Variants in DLG5 observed in about 807,000 individuals in gnomAD.
DLG5 encodes the protein discs large MAGUK scaffold protein 5.
In DLG5, 48 loss-of-function variants were observed where a neutral mutation model predicts 189.8. That is an observed-to-expected ratio of 0.25 (90% CI 0.20 to 0.32). DLG5 has a LOEUF of 0.32. Ranked by LOEUF, DLG5 falls within the 10% of genes least tolerant of loss-of-function variation. DLG5 has a pLI of 1.00. For missense variants in DLG5, 2,160 were observed against 2,544.7 expected (o/e 0.85, Z 3.25); for synonymous variants, 1,016 against 1,054.1 (o/e 0.96, Z 0.70).
At chr10:77,810,380 C>T (rs181504014) in intron 23 of DLG5, among the ~76,000 whole-genome samples, 1 of 152,346 alleles carries the variant, frequency 6.6e-6, no homozygotes, top group African/African-American at 2.4e-5. Context: ...GAGCTGGCCT[C>T]ATTCTGTGAG....
rs1305814061 is a variant in DLG5, at chr10:77,869,263, T to A, written c.305-66A>T. 7 of 1,472,258 alleles carry A rather than the reference T, an allele frequency of 4.8e-6. No individual in the cohort carries two copies. The East Asian group carries it at 1.1e-4, about 24-fold the overall frequency. The allele number at this position is 1,472,258 out of a possible 1,614,324, so 91.2% of individuals were successfully genotyped here. ...TCACTCGTCTTCACCCCAAGCCAGC[T>A]GATCATCAGTCAATGCCAGGCCATG... On this transcript the variant is annotated intron_variant, in intron 1 of 31. Coordinates refer to ENST00000372391, the MANE Select transcript of DLG5 (RefSeq NM_004747.4).
chr10:77,900,313 C>T (rs1845885743), intron 1 of DLG5, among the ~76,000 whole-genome samples: 2 of 152,152 alleles, frequency 1.3e-5, no homozygotes, highest in South Asian at 2.1e-4. Flanking sequence ...CCAGTCACCA[C>T]GGTGCCCATG....
intron 2 of DLG5, chr10:77,867,131 G>C (rs1488155179): frequency 2.2e-6 from 1 of 454,724 alleles, no homozygotes; most frequent in South Asian, 1.6e-5. Context: ...CCAACTGGTG[G>C]GTCACGGCCA....
chr10:77,795,960 G>T (rs1840897033), intron 29 of DLG5, 101 bp downstream of exon 29: 2 of 1,548,722 alleles, frequency 1.3e-6, no homozygotes, highest in Admixed American at 1.7e-5. Flanking sequence ...CTCACTGAAG[G>T]TCTGAGCCGC....
chr10:77,818,177 CAG>C (rs925027617), intron 17 of DLG5, among the ~76,000 whole-genome samples: 1 of 152,120 alleles, frequency 6.6e-6, no homozygotes, highest in Non-Finnish European at 1.5e-5. Context: ...TGATAAAAAA[CAG>C]AGGTTTTGCA....
rs547796581 is a variant in DLG5 at position 77,885,166 on chromosome 10, T to C, written c.305-15969A>G. On this transcript the variant is annotated intron_variant, in intron 1 of 31. Transcript: ENST00000372391. ...TTCATCATGACCCATTCCACACCTG[T>C]CATCTCAGTACATTCAAGTGCTCAC... Among the ~76,000 whole-genome samples, 133 of 152,308 alleles carry C rather than the reference T, an allele frequency of 8.7e-4. 1 individual carries two copies. The highest frequency in any genetic ancestry group is 3.2e-3 in the African/African-American group (131 of 41,556).
intron 1 of DLG5, among the ~76,000 whole-genome samples, chr10:77,907,510 T>A (rs1477811925): frequency 1.3e-5 from 2 of 152,122 alleles, no homozygotes; most frequent in Non-Finnish European, 2.9e-5. Flanking sequence ...GCCTGTGAGG[T>A]GGAGGTGGCC....
At chr10:77,865,398 A>C (rs1844634738) in intron 2 of DLG5, among the ~76,000 whole-genome samples, 1 of 152,188 alleles carries the variant, frequency 6.6e-6, no homozygotes, top group Admixed American at 6.5e-5. Flanking sequence ...AACCAGAAGA[A>C]GCACTTTCAA....
intron 3 of DLG5, among the ~76,000 whole-genome samples, chr10:77,856,220 C>G (rs1173844158): frequency 2.0e-5 from 3 of 152,062 alleles, no homozygotes; most frequent in Admixed American, 6.6e-5. Flanking sequence ...GGCATGGTGG[C>G]ACACACCTAT....
chr10:77,816,579 C>A lies in DLG5; in HGVS notation c.3997G>T (p.Ala1333Ser), dbSNP rs145369443. 1 of 1,614,132 alleles carries A rather than the reference C, an allele frequency of 6.2e-7. No individual in the cohort carries two copies. Among genetic ancestry groups the A allele is most frequent in the Admixed American group, 1.7e-5 (1 of 60,022 alleles). ...TCCTTTCTCCGCTCCCCGAGGGACG[C>A]GGGGTTGACAGCGATTCTGGGCAAT... ...STLPRIAVNP[A>S]SLGERRKDRP... The change falls in exon 20 of 32, where the codon GCG (alanine) becomes TCG (serine). Residue 1333 changes from alanine (A) to serine (S), a missense_variant. Physicochemically the swap from Ala to Ser is moderately conservative, Grantham distance 99. This residue lies in a region of DLG5 where 754 missense variants were observed against 746.5 expected (regional missense o/e 1.01). Transcript: ENST00000372391.
intron 1 of DLG5, among the ~76,000 whole-genome samples, chr10:77,921,724 G>A (rs12220328): frequency 2.0e-5 from 3 of 152,074 alleles, no homozygotes; most frequent in African/African-American, 7.2e-5. Flanking sequence ...CAGCACATTC[G>A]TGAAGCTCTC....
In DLG5 at chr10:77,816,719, T is replaced by C; in HGVS notation, c.3875-18A>G. 6.3e-7 allele frequency: 1 copy of C among 1,586,892 alleles called. No homozygotes were observed. The highest frequency in any genetic ancestry group is 8.6e-7 in the Non-Finnish European group (1 of 1,165,914). On this transcript the variant is annotated intron_variant, in intron 19 of 31. Transcript: ENST00000372391. ...CACTGAACCTGCAGAGAGGAGCGGG[T>C]AATGCCGGTGTGAACTCCCATCTCA...
At position 77,821,095 on chromosome 10, in the gene DLG5, G is replaced by A; in HGVS notation, c.3389C>T (p.Ala1130Val). 1 of 1,612,008 alleles carries A rather than the reference G, an allele frequency of 6.2e-7. No individual in the cohort carries two copies. The highest frequency in any genetic ancestry group is 1.7e-5 in the Admixed American group (1 of 59,950). ...RPKLAPVVIP[A>V]QFLEEQKCVP... The stretch of plus-strand genomic sequence containing the variant: ...GCTCAGCTATACCTCCAGGAACTGA[G>A]CAGGAATCACTACTGGAGCAAGCTT... The change falls in exon 15 of 32, where the codon GCT becomes GTT. Residue 1130 changes from alanine (A) to valine (V), a missense_variant. Coordinates refer to ENST00000372391, the MANE Select transcript of DLG5 (RefSeq NM_004747.4).
chr10:77,898,723 C>G (rs926343005), intron 1 of DLG5, among the ~76,000 whole-genome samples: 1 of 152,254 alleles, frequency 6.6e-6, no homozygotes, highest in African/African-American at 2.4e-5. Context: ...CCCCTGCCCC[C>G]TCCATGGCCT....
rs369949212 is a variant in DLG5 at position 77,820,033 on chromosome 10, G to A, written c.3403-15C>T. The stretch of plus-strand genomic sequence containing the variant: ...CACTTCTGTTCCTGCAGATGCAAGG[G>A]CAAGAGTGTCTGCTAGAAAGAGTGG... On this transcript the variant is annotated splice_polypyrimidine_tract_variant and intron_variant, in intron 15 of 31. Transcript: ENST00000372391. 2.5e-6 allele frequency: 4 copies of A among 1,612,272 alleles called. No homozygotes were observed. The highest frequency in any genetic ancestry group is 3.4e-6 in the Non-Finnish European group (4 of 1,179,852).
intron 1 of DLG5, among the ~76,000 whole-genome samples, chr10:77,905,378 C>T (rs796799067): frequency 3.3e-5 from 5 of 152,254 alleles, no homozygotes; most frequent in African/African-American, 1.2e-4. Flanking sequence ...ACCATTCATA[C>T]TTTTTCCACT....
At chr10:77,803,123 T>C (rs1246913054) in intron 27 of DLG5, among the ~76,000 whole-genome samples, 1 of 152,006 alleles carries the variant, frequency 6.6e-6, no homozygotes, top group African/African-American at 2.4e-5. Flanking sequence ...TAACAGTAGA[T>C]GATATAGGGG....
intron 5 of DLG5, among the ~76,000 whole-genome samples, chr10:77,849,810 C>T (rs1287094911): frequency 6.6e-6 from 1 of 152,158 alleles, no homozygotes; most frequent in Non-Finnish European, 1.5e-5. Flanking sequence ...AGTCAGAGAA[C>T]GGGAGACAAG....
chr10:77,902,266 A>G (rs1315346724), intron 1 of DLG5, among the ~76,000 whole-genome samples: 1 of 152,192 alleles, frequency 6.6e-6, no homozygotes, highest in East Asian at 1.9e-4. Context: ...AAGCTTCCCC[A>G]GTGACTCTGA....
Sources: allele counts gnomAD v4.1 joint callset (sites outside exome capture counted in the v4.1 genomes callset), GRCh38; gene constraint gnomAD v4.1.1; regional missense constraint gnomAD v4.1.1; transcripts MANE v1.5; gene names NCBI Gene and HGNC (gene_info 2026-07-23, HGNC 2026-07-21).